Variants in EVI5 observed in about 807,000 individuals in gnomAD.
EVI5 encodes the protein ecotropic viral integration site 5.
In EVI5, 73 loss-of-function variants were observed where a neutral mutation model predicts 112.0. That is an observed-to-expected ratio of 0.65 (90% CI 0.54 to 0.79). The LOEUF (loss-of-function observed/expected upper bound fraction) is 0.79, where lower values mean the gene tolerates loss of function less well. EVI5 is among the 30% of genes least tolerant of loss of function. The pLI is 0.00. For synonymous variants in EVI5, 305 were observed against 319.9 expected, an observed-to-expected ratio of 0.95 and a Z score of 0.50; for missense variants, 900 against 968.8, an observed-to-expected ratio of 0.93 and a Z score of 0.94.
intron 1 of EVI5, among the ~76,000 whole-genome samples, chr1:92,771,506 T>C (rs1683401870): frequency 6.6e-6 from 1 of 152,062 alleles, no homozygotes; most frequent in Non-Finnish European, 1.5e-5. Flanking sequence ...CCTCACCCCA[T>C]ATATCAAGTC....
chr1:92,788,909 C>T (rs1685877139), upstream of EVI5, among the ~76,000 whole-genome samples: 1 of 152,336 alleles, frequency 6.6e-6, no homozygotes, highest in Non-Finnish European at 1.5e-5. Flanking sequence ...AGGCTGTATA[C>T]ATACACTATT....
intron 18 of EVI5, among the ~76,000 whole-genome samples, chr1:92,570,650 G>A (rs1369847653): frequency 2.6e-5 from 4 of 152,112 alleles, no homozygotes; most frequent in Admixed American, 6.5e-5. Flanking sequence ...GGTTTGAAAG[G>A]CTGTAGAATG....
At chr1:92,786,294 A>G (rs914972088), upstream of EVI5, among the ~76,000 whole-genome samples, 4 of 152,056 alleles carry the variant, frequency 2.6e-5, no homozygotes, top group Non-Finnish European at 5.9e-5. Context: ...ATACCAAGAA[A>G]TAGGAAGTAA....
At chr1:92,523,146 C>T (rs1661246162) in intron 19 of EVI5, among the ~76,000 whole-genome samples, 1 of 152,174 alleles carries the variant, frequency 6.6e-6, no homozygotes, top group Admixed American at 6.5e-5. Flanking sequence ...CTGCCTCAGA[C>T]TCCCAGAGTG....
intron 16 of EVI5, among the ~76,000 whole-genome samples, chr1:92,623,250 A>AATACAAATATATAAG (rs1553209758): frequency 6.6e-6 from 1 of 152,230 alleles, no homozygotes; most frequent in Non-Finnish European, 1.5e-5. Flanking sequence ...TAATACAAGA[A>AATACAAATATATAAG]AAATATAAGA....
At chr1:92,756,675 T>C (rs1288690014) in intron 1 of EVI5, 4 of 501,894 alleles carry the variant, frequency 8.0e-6, no homozygotes, top group Non-Finnish European at 1.6e-5. Context: ...AACCTCAGCA[T>C]GTCAAACAGT....
intron 2 of EVI5, among the ~76,000 whole-genome samples, chr1:92,716,943 GA>G (rs1270258372): frequency 6.6e-6 from 1 of 151,882 alleles, no homozygotes; most frequent in East Asian, 1.9e-4. Context: ...TTGAGGAGAT[GA>G]CAGAAATAGG....
intron 16 of EVI5, among the ~76,000 whole-genome samples, chr1:92,608,888 G>GT (rs1449832038): frequency 6.6e-6 from 1 of 152,144 alleles, no homozygotes; most frequent in African/African-American, 2.4e-5. Context: ...AAACAAGCTA[G>GT]TATCTCTGAG....
intron 18 of EVI5, among the ~76,000 whole-genome samples, chr1:92,598,340 C>A (rs1372318996): frequency 6.6e-6 from 1 of 152,012 alleles, no homozygotes; most frequent in Non-Finnish European, 1.5e-5. Context: ...TACAACAAAC[C>A]CCCATGACAT....
At chr1:92,609,856 G>A (rs1017906051) in intron 16 of EVI5, among the ~76,000 whole-genome samples, 13 of 149,282 alleles carry the variant, frequency 8.7e-5, no homozygotes, top group South Asian at 6.3e-4. Context: ...TACTCTAGTC[G>A]TTCTCATTCT....
At chr1:92,710,773 A>G (rs1174185725) in intron 2 of EVI5, among the ~76,000 whole-genome samples, 1 of 151,700 alleles carries the variant, frequency 6.6e-6, no homozygotes, top group Non-Finnish European at 1.5e-5. Context: ...GTGCCAATAT[A>G]CCAACTGGAC....
intron 14 of EVI5, among the ~76,000 whole-genome samples, chr1:92,628,460 G>A (rs922617441): frequency 2.6e-5 from 4 of 152,156 alleles, no homozygotes; most frequent in African/African-American, 4.8e-5. Flanking sequence ...ATAGTTTCAG[G>A]TCTTAGGTTT....
At chr1:92,591,020 A>G (rs926052564) in intron 18 of EVI5, among the ~76,000 whole-genome samples, 6 of 152,246 alleles carry the variant, frequency 3.9e-5, no homozygotes, top group African/African-American at 1.4e-4. Flanking sequence ...ACTAAGCTGC[A>G]TAAGTAAAGG....
intron 6 of EVI5, among the ~76,000 whole-genome samples, chr1:92,697,589 AT>A (rs1173824432): frequency 6.6e-6 from 1 of 152,226 alleles, no homozygotes; most frequent in Non-Finnish European, 1.5e-5. Context: ...TAATAAGGAA[AT>A]TCATGTGCTT....
chr1:92,743,860 T>C (rs887019732), intron 1 of EVI5, among the ~76,000 whole-genome samples: 2 of 152,206 alleles, frequency 1.3e-5, no homozygotes, highest in African/African-American at 4.8e-5. Context: ...CACTGATTTC[T>C]ACTAATTTTT....
At chr1:92,597,289 A>G (rs1488405895) in intron 18 of EVI5, among the ~76,000 whole-genome samples, 1 of 152,206 alleles carries the variant, frequency 6.6e-6, no homozygotes, top group Non-Finnish European at 1.5e-5. Context: ...AGGCTACTAA[A>G]AGAAGTTCCT....
chr1:92,633,728 AT>A (rs1238281199), intron 14 of EVI5, among the ~76,000 whole-genome samples: 1 of 151,226 alleles, frequency 6.6e-6, no homozygotes, highest in Admixed American at 6.6e-5. Flanking sequence ...ATGTTAGCTG[AT>A]AACGAGCATA....
At chr1:92,548,185 G>C (rs1240914579) in intron 19 of EVI5, among the ~76,000 whole-genome samples, 2 of 152,146 alleles carry the variant, frequency 1.3e-5, no homozygotes, top group African/African-American at 4.8e-5. Flanking sequence ...ATGCAAGACT[G>C]GTTCAACATA....
At chr1:92,573,864 C>T (rs571394426) in intron 18 of EVI5, among the ~76,000 whole-genome samples, 10 of 152,098 alleles carry the variant, frequency 6.6e-5, no homozygotes, top group African/African-American at 2.2e-4. Context: ...ATATGACTTC[C>T]ATCACTGAAA....
Sources: gnomAD v4.1 joint callset for allele counts (sites outside exome capture counted in the v4.1 genomes callset) on GRCh38, gnomAD v4.1.1 for gene constraint, MANE v1.5 for transcripts, NCBI Gene and HGNC (gene_info 2026-07-23, HGNC 2026-07-21) for gene names.